The following ADGRE5 variants were observed in gnomAD, a reference collection of about 807,000 sequenced individuals.
ADGRE5 encodes CD97 molecule.
Under a neutral mutation model 100.3 loss-of-function variants are expected in ADGRE5, and 72 were observed. That is an observed-to-expected ratio of 0.72 (90% CI 0.59 to 0.87). ADGRE5 has a LOEUF of 0.87. ADGRE5 is among the 40% of genes least tolerant of loss of function. The probability of loss-of-function intolerance (pLI) is 0.00; values close to 1 mark genes in which losing one functional copy is unlikely to be tolerated. For missense variants in ADGRE5, 959 were observed against 1,094.7 expected, an observed-to-expected ratio of 0.88 and a Z score of 1.75; for synonymous variants, 439 against 447.8, an observed-to-expected ratio of 0.98 and a Z score of 0.25.
Position 14,405,921 on chromosome 19 carries a change from C to T in ADGRE5, c.1803C>T (p.Ile601=), listed in dbSNP as rs1438787782. 4 of 1,609,044 alleles carry T rather than the reference C, an allele frequency of 2.5e-6. No individual in the cohort carries two copies. The highest frequency in any genetic ancestry group is 3.4e-6 in the Non-Finnish European group (4 of 1,179,878). ...GCTCCACCATCTTCCTGGCCGGCAT[C>T]GAGAACGAAGGCGGCCAGGTGAGGT... ...FVGSTIFLAG[I]ENEGGQVGLR... is the part of the protein sequence containing the mutation. Residue 601 remains isoleucine (I), a synonymous_variant, in exon 14 of 20, where the codon ATC becomes ATT. Transcript: ENST00000242786.
chr19:14,389,909 A>G (rs903124715), intron 3 of ADGRE5, among the ~76,000 whole-genome samples: 1 of 151,058 alleles, frequency 6.6e-6, no homozygotes, highest in African/African-American at 2.4e-5. Context: ...TCTCTACTAA[A>G]AATACAAAAT....
At chr19:14,402,340 C>T (rs1976045398) in intron 11 of ADGRE5, among the ~76,000 whole-genome samples, 1 of 151,380 alleles carries the variant, frequency 6.6e-6, no homozygotes, top group South Asian at 2.1e-4. Context: ...GAGGCTGAGA[C>T]AGAAGAATTG....
chr19:14,401,360 C>T lies in ADGRE5; in HGVS notation c.898-26C>T, dbSNP rs750281500. 2.2e-5 allele frequency: 36 copies of T among 1,607,686 alleles called. No homozygotes were observed. Among genetic ancestry groups the T allele is most frequent in the South Asian group, 5.5e-5 (5 of 90,292 alleles). ...CAACCCCTGTGGTCTGATGCTCCAG[C>T]GATTCTGTCACCCGCCACCCCCTAG... is the stretch of plus-strand genomic sequence containing the variant. On this transcript the variant is annotated intron_variant, in intron 9 of 19. Transcript: ENST00000242786. The surrounding 1 kb of genome is among the most constrained non-coding windows in gnomAD (Gnocchi z 4.1).
At chr19:14,405,300 G>C (rs576976553) in intron 13 of ADGRE5, 1 of 158,956 alleles carries the variant, frequency 6.3e-6, no homozygotes, top group East Asian at 1.9e-4. Flanking sequence ...ATGCCACCAT[G>C]CACCGCTAAT....
intron 13 of ADGRE5, 130 bp downstream of exon 13, chr19:14,404,692 T>C: frequency 1.2e-6 from 1 of 839,296 alleles, no homozygotes. Flanking sequence ...AGCCCAGGTG[T>C]CCCCACGTCA....
intron 1 of ADGRE5, among the ~76,000 whole-genome samples, chr19:14,384,590 C>A (rs1157083627): frequency 7.0e-6 from 1 of 143,870 alleles, no homozygotes; most frequent in African/African-American, 2.6e-5. Context: ...CCGCCCCAGG[C>A]CCCACCTGCC....
At chr19:14,390,863 G>T in intron 3 of ADGRE5, 61 bp from the exon 4 acceptor site, 2 of 1,584,244 alleles carry the variant, frequency 1.3e-6, no homozygotes, top group Non-Finnish European at 1.7e-6. Context: ...CAGGATGGGG[G>T]TCTCTGCCCT....
At position 14,404,754 on chromosome 19, in the gene ADGRE5, A is replaced by G. The variant is rs1976153722; in HGVS notation, c.1629+192A>G. The G allele has an allele frequency of 8.1e-5, 45 of 555,316 alleles. No individual in the cohort carries two copies. The South Asian group carries it at 1.1e-3, about 13-fold the overall frequency. 34.4% of individuals were successfully genotyped at this position (555,316 alleles called of 1,614,324 possible). ...CTCTTCTCTACAACCCAGCAACTAT[A>G]CACTGGGTGCAGCCACTAGCTCCGC... On this transcript the variant is annotated intron_variant, in intron 13 of 19. Coordinates refer to ENST00000242786, the MANE Select transcript of ADGRE5 (RefSeq NM_078481.4).
At chr19:14,383,317 C>A (rs1424862768) in intron 1 of ADGRE5, among the ~76,000 whole-genome samples, 1 of 151,982 alleles carries the variant, frequency 6.6e-6, no homozygotes. Context: ...CCAGCCTGGC[C>A]AACATGGTGA....
intron 1 of ADGRE5, among the ~76,000 whole-genome samples, chr19:14,384,944 CTCTCTG>C (rs1245072067): frequency 4.3e-5 from 6 of 140,506 alleles, no homozygotes; most frequent in South Asian, 2.4e-4. Flanking sequence ...GTCCCTCTAT[CTCTCTG>C]TCTCTCTCTC....
At chr19:14,398,343 A>G in intron 9 of ADGRE5, 1 of 577,202 alleles carries the variant, frequency 1.7e-6, no homozygotes, top group Non-Finnish European at 3.1e-6. Flanking sequence ...CACACACACC[A>G]GGTATAATGG....
At position 14,385,171 on chromosome 19, in the gene ADGRE5, C is replaced by T. The variant is rs143720622; in HGVS notation, c.23-3279C>T. Among the ~76,000 whole-genome samples the T allele has an allele frequency of 3.3e-3, 498 of 151,796 alleles. 2 individuals carry two copies. Among genetic ancestry groups the T allele is most frequent in the African/African-American group, 0.011 (471 of 41,336 alleles). On this transcript the variant is annotated intron_variant, in intron 1 of 19. Coordinates refer to ENST00000242786, the MANE Select transcript of ADGRE5 (RefSeq NM_078481.4). The stretch of plus-strand genomic sequence containing the variant: ...GATTACAGGCGTGTGCCACCATGCC[C>T]GGCTAATTTTTTGTATTTTTAGTAG...
chr19:14,406,368 A>G lies in ADGRE5; in HGVS notation c.1859A>G (p.His620Arg). ...LRCRLVAGLLHYCFLAAFCWM... is the reference protein window; with the variant it reads ...LRCRLVAGLLRYCFLAAFCWM... ...TGCCGCCTGGTGGCCGGGCTGCTGCACTACTGTTTCCTGGCCGCCTTCTGC... is the reference window on the plus strand; with the variant it reads ...TGCCGCCTGGTGGCCGGGCTGCTGCGCTACTGTTTCCTGGCCGCCTTCTGC... Residue 620 changes from histidine to arginine, a missense_variant, in exon 15 of 20, where the codon CAC becomes CGC. His to Arg is a conservative substitution (Grantham distance 29, BLOSUM62 0). Coordinates refer to ENST00000242786, the MANE Select transcript of ADGRE5 (RefSeq NM_078481.4). The surrounding 1 kb of genome is among the most constrained non-coding windows in gnomAD (Gnocchi z 6.0). 1 of 1,584,688 alleles carries G rather than the reference A, an allele frequency of 6.3e-7. No homozygotes were observed.
rs1599635336 is a variant in ADGRE5 at position 14,406,464 on chromosome 19, C to T, written c.1955C>T (p.Thr652Met). ...GTGTTCCAAGGCCAGGGCCTGAGTA[C>T]GCGCTGGCTCTGCCTGATCGGCTAT... ...VRVFQGQGLS[T>M]RWLCLIGYGV... is the part of the protein sequence containing the mutation. The change falls in exon 15 of 20, where the codon ACG becomes ATG. Residue 652 changes from threonine (T) to methionine (M), a missense_variant. By Grantham distance (81) the Thr-to-Met change is moderately conservative (BLOSUM62 -1). Transcript: ENST00000242786. This position sits in a 1 kb window ranked among gnomAD's most constrained non-coding sequence, Gnocchi z 6.0. 3.8e-6 allele frequency: 6 copies of T among 1,569,506 alleles called. No individual in the cohort carries two copies. Among genetic ancestry groups the T allele is most frequent in the East Asian group, 2.4e-5 (1 of 42,224 alleles).
Position 14,406,182 on chromosome 19 carries a change from C to A in ADGRE5, c.1822-149C>A. 1.4e-6 allele frequency: 1 copy of A among 729,108 alleles called. No homozygotes were observed. The highest frequency in any genetic ancestry group is 2.7e-5 in the East Asian group (1 of 36,564). 45.2% of individuals were successfully genotyped at this position (729,108 alleles called of 1,614,324 possible). A position where few individuals can be genotyped will look rare whatever the true frequency, so the allele number is the denominator to read the frequency against. The stretch of plus-strand genomic sequence containing the variant: ...CTTCTGAGCGTTGTTGGGGGTGGGC[C>A]CTGGGGGGAAACCTGGCCCCCGCTC... On this transcript the variant is annotated intron_variant, in intron 14 of 19. Transcript: ENST00000242786. The surrounding 1 kb of genome is among the most constrained non-coding windows in gnomAD (Gnocchi z 6.0).
Position 14,388,773 on chromosome 19 carries a change from A to C in ADGRE5, c.145A>C (p.Ser49Arg). Reference sequence around the variant, plus strand: ...CGCCTGTCGCTGCAATCCAGGGTTCAGCTCTTTTTCTGAGATCATCACCAC... The same window carrying C: ...CGCCTGTCGCTGCAATCCAGGGTTCCGCTCTTTTTCTGAGATCATCACCAC... ...ATACRCNPGF[S>R]SFSEIITTPT... The change falls in exon 3 of 20, where the codon AGC (serine) becomes CGC (arginine). Residue 49 changes from serine to arginine, a missense_variant. Physicochemically the swap from Ser to Arg is moderately radical, Grantham distance 110. Coordinates refer to ENST00000242786, the MANE Select transcript of ADGRE5 (RefSeq NM_078481.4). The C allele has an allele frequency of 2.5e-6, 4 of 1,613,892 alleles. No individual in the cohort carries two copies. The highest frequency in any genetic ancestry group is 2.5e-6 in the Non-Finnish European group (3 of 1,180,006).
chr19:14,394,068 C>T (rs1002292238), intron 4 of ADGRE5, among the ~76,000 whole-genome samples: 1 of 152,126 alleles, frequency 6.6e-6, no homozygotes, highest in African/African-American at 2.4e-5. Context: ...TATGAACCCC[C>T]TGCATGGGAT....
At position 14,397,575 on chromosome 19, in the gene ADGRE5, G is replaced by A. The variant is rs544382926; in HGVS notation, c.626-83G>A. 438 of 1,609,744 alleles carry A rather than the reference G, an allele frequency of 2.7e-4. 1 individual carries two copies. In the African/African-American group the frequency reaches 5.3e-3, roughly 20 times the overall value. On this transcript the variant is annotated intron_variant, in intron 6 of 19. Transcript: ENST00000242786. The stretch of plus-strand genomic sequence containing the variant: ...ACTCCAAGGGGGGCACTAATGCCGG[G>A]AGGAATGAGCTGGGGGCACAGACAG...
chr19:14,396,085 A>AGATGGCTGGGACACC (rs1975765208), intron 4 of ADGRE5, among the ~76,000 whole-genome samples: 1 of 152,200 alleles, frequency 6.6e-6, no homozygotes, highest in Non-Finnish European at 1.5e-5. Flanking sequence ...GCTGGGACAC[A>AGATGGCTGGGACACC]GATGGCTGGG....
Sources: gnomAD v4.1 joint callset for allele counts (sites outside exome capture counted in the v4.1 genomes callset) on GRCh38, gnomAD v4.1.1 for gene constraint, Gnocchi (gnomAD v3.1) non-coding constraint, MANE v1.5 for transcripts, NCBI Gene and HGNC (gene_info 2026-07-23, HGNC 2026-07-21) for gene names.